MAST4: variants seen among roughly 807,000 people sequenced by gnomAD.
MAST4 encodes the protein microtubule associated serine/threonine kinase family member 4.
A neutral mutation model predicts 162.7 loss-of-function variants in MAST4; 89 were observed. The ratio of observed to expected loss-of-function variants is 0.55; its 90% CI spans 0.46 to 0.65. The LOEUF (loss-of-function observed/expected upper bound fraction) is 0.65. Among genes scored for constraint, MAST4 ranks in the 30% least tolerant of loss-of-function variants. The pLI is 0.00. For missense variants in MAST4, 3,153 were observed against 3,374.0 expected (o/e 0.93, Z 1.62); for synonymous variants, 1,479 against 1,361.1 (o/e 1.09, Z -1.91).
chr5:66,620,362 T>G (rs149613012), intron 1 of MAST4, among the ~76,000 whole-genome samples: 2 of 152,278 alleles, frequency 1.3e-5, no homozygotes, highest in East Asian at 3.9e-4. Flanking sequence ...TTGTAAAAGC[T>G]CAATACAGTT....
chr5:66,625,917 G>A (rs1421539779), intron 1 of MAST4, among the ~76,000 whole-genome samples: 1 of 152,032 alleles, frequency 6.6e-6, no homozygotes, highest in African/African-American at 2.4e-5. Context: ...AAGAAAATGT[G>A]GTATATATGT....
intron 14 of MAST4, among the ~76,000 whole-genome samples, chr5:67,129,204 C>T (rs1768627628): frequency 1.3e-5 from 2 of 152,168 alleles, no homozygotes; most frequent in South Asian, 2.1e-4. Context: ...TATGCTGGGA[C>T]ATGCATTTCC....
chr5:67,153,672 T>C (rs1217547156), intron 26 of MAST4, 92 bp downstream of exon 26: 22 of 1,207,974 alleles, frequency 1.8e-5, no homozygotes, highest in Non-Finnish European at 2.2e-5. Flanking sequence ...GTCACACCCA[T>C]GTCTGATTAC....
chr5:67,127,158 A>G (rs1212583874), intron 14 of MAST4, among the ~76,000 whole-genome samples: 1 of 152,224 alleles, frequency 6.6e-6, no homozygotes, highest in African/African-American at 2.4e-5. Context: ...TTTTCTAAAT[A>G]TACAGTCATG....
chr5:67,165,786 C>G lies in MAST4; in HGVS notation c.6607C>G (p.Pro2203Ala), dbSNP rs376599722. The G allele has an allele frequency of 1.2e-6, 2 of 1,607,754 alleles. No individual in the cohort carries two copies. The highest frequency in any genetic ancestry group is 1.7e-4 in the Middle Eastern group (1 of 6,058). The part of the protein sequence containing the change: ...KPRPGPDPGP[P>A]KTKHPDRSLS... ...CCGGCCTGGCCCTGACCCGGGCCCTCCAAAGACTAAGCACCCCGACCGGTC... is the reference window on the plus strand; with the variant it reads ...CCGGCCTGGCCCTGACCCGGGCCCTGCAAAGACTAAGCACCCCGACCGGTC... The change falls in exon 29 of 29, where the codon CCA becomes GCA. Residue 2203 changes from proline to alanine, a missense_variant. Physicochemically the swap from Pro to Ala is conservative, Grantham distance 27. This residue lies in a region of MAST4 where 1,644 missense variants were observed against 1,495.0 expected (regional missense o/e 1.10). Transcript: ENST00000403625.
At chr5:67,049,916 T>TGGCTAAC (rs532131428) in intron 4 of MAST4, among the ~76,000 whole-genome samples, 1 of 152,326 alleles carries the variant, frequency 6.6e-6, no homozygotes, top group East Asian at 1.9e-4. Flanking sequence ...TGGTAGGGGA[T>TGGCTAAC]GGCTAACAGG....
intron 1 of MAST4, among the ~76,000 whole-genome samples, chr5:66,685,882 G>A (rs1748623550): frequency 6.6e-6 from 1 of 152,164 alleles, no homozygotes; most frequent in African/African-American, 2.4e-5. Flanking sequence ...ACTGGGAGGA[G>A]GGGTTTGGGG....
At chr5:66,804,394 T>C (rs935758598) in intron 3 of MAST4, among the ~76,000 whole-genome samples, 1 of 152,184 alleles carries the variant, frequency 6.6e-6, no homozygotes, top group Non-Finnish European at 1.5e-5. Flanking sequence ...GTGGCTTCCA[T>C]CCAGACTGCA....
At chr5:66,913,217 T>C (rs75928938) in intron 4 of MAST4, among the ~76,000 whole-genome samples, 3,193 of 152,276 alleles carry the variant, frequency 0.021, 118 homozygotes, top group African/African-American at 0.074. Context: ...ACCAGCACAG[T>C]TGAGATAATA....
At chr5:66,930,727 C>G (rs1449334339) in intron 4 of MAST4, 1 of 470,762 alleles carries the variant, frequency 2.1e-6, no homozygotes. Flanking sequence ...ACCATTCTAT[C>G]TGGGTTCACT....
chr5:67,129,799 A>G (rs770933064), intron 14 of MAST4, among the ~76,000 whole-genome samples: 11 of 152,072 alleles, frequency 7.2e-5, no homozygotes, highest in Admixed American at 3.3e-4. Flanking sequence ...AATATCTACT[A>G]TCTAACGCTA....
chr5:66,927,339 CAGTT>C (rs1210747871), intron 4 of MAST4, among the ~76,000 whole-genome samples: 19 of 152,328 alleles, frequency 1.2e-4, no homozygotes, highest in Admixed American at 1.2e-3. Context: ...TTGTTTCACT[CAGTT>C]GGTTTCTATT....
chr5:66,700,275 T>G (rs967189363), intron 1 of MAST4, among the ~76,000 whole-genome samples: 3 of 152,242 alleles, frequency 2.0e-5, no homozygotes, highest in Non-Finnish European at 4.4e-5. Context: ...TTCTATTATT[T>G]CATGATGGAA....
At chr5:66,711,502 C>G (rs576137976) in intron 1 of MAST4, among the ~76,000 whole-genome samples, 1 of 152,294 alleles carries the variant, frequency 6.6e-6, no homozygotes, top group South Asian at 2.1e-4. Flanking sequence ...ATCACCTTCT[C>G]CTCTTCTGTC....
chr5:66,734,517 C>T (rs538362455), intron 1 of MAST4, among the ~76,000 whole-genome samples: 12 of 152,234 alleles, frequency 7.9e-5, no homozygotes, highest in Non-Finnish European at 1.5e-4. Context: ...AGAACTTAGC[C>T]GAAAATGATG....
intron 3 of MAST4, 78 bp downstream of exon 3, chr5:66,788,872 A>T: frequency 7.0e-7 from 1 of 1,434,598 alleles, no homozygotes; most frequent in East Asian, 2.6e-5. Flanking sequence ...ATTGAGTTTA[A>T]CTATATTTAA....
At chr5:66,940,116 T>C (rs931662310) in intron 4 of MAST4, among the ~76,000 whole-genome samples, 1 of 152,124 alleles carries the variant, frequency 6.6e-6, no homozygotes, top group Non-Finnish European at 1.5e-5. Flanking sequence ...TATGTATGTA[T>C]ATACACACAC....
intron 3 of MAST4, among the ~76,000 whole-genome samples, chr5:66,813,550 G>A (rs1756574641): frequency 6.6e-6 from 1 of 152,214 alleles, no homozygotes; most frequent in African/African-American, 2.4e-5. Context: ...AAAGGCAGAT[G>A]CAGGAGAATT....
intron 8 of MAST4, among the ~76,000 whole-genome samples, chr5:67,101,636 A>G (rs879752606): frequency 3.3e-5 from 5 of 152,190 alleles, no homozygotes; most frequent in Non-Finnish European, 7.3e-5. Context: ...GTTGAATATC[A>G]AAGTTTAATG....
Sources: allele counts gnomAD v4.1 joint callset (sites outside exome capture counted in the v4.1 genomes callset), GRCh38; gene constraint gnomAD v4.1.1; regional missense constraint gnomAD v4.1.1; transcripts MANE v1.5; gene names NCBI Gene and HGNC (gene_info 2026-07-23, HGNC 2026-07-21).